Variants in MAN2A1 observed in about 807,000 individuals in gnomAD.
MAN2A1 encodes the protein alpha-mannosidase 2.
Under a neutral mutation model 142.6 loss-of-function variants are expected in MAN2A1, and 76 were observed. The ratio of observed to expected loss-of-function variants is 0.53; its 90% confidence interval spans 0.44 to 0.65. MAN2A1 has a LOEUF of 0.65. Ranked by LOEUF, MAN2A1 falls within the 30% of genes least tolerant of loss-of-function variation. MAN2A1 has a pLI of 0.00. For synonymous variants in MAN2A1, 559 were observed against 473.2 expected (o/e 1.18, Z -2.35); for missense variants, 1,311 against 1,365.1 (o/e 0.96, Z 0.62).
Position 109,813,618 on chromosome 5 carries a change from C to G in MAN2A1, c.1944-3655C>G, listed in dbSNP as rs144429278. Among the ~76,000 whole-genome samples the G allele has an allele frequency of 2.3e-3, 355 of 152,366 alleles. 1 individual carries two copies. Among genetic ancestry groups the G allele is most frequent in the Non-Finnish European group, 3.8e-3 (260 of 68,034 alleles). On this transcript the variant is annotated intron_variant, in intron 12 of 21. Transcript: ENST00000261483. Reference sequence around the variant, plus strand: ...CTGACCAAGGGGCATGTTCCTTCCACTTTGTACTGCAGCCAGTCCTAGAAG... The same window carrying G: ...CTGACCAAGGGGCATGTTCCTTCCAGTTTGTACTGCAGCCAGTCCTAGAAG...
At chr5:109,764,430 G>A (rs1213917945) in intron 5 of MAN2A1, among the ~76,000 whole-genome samples, 1 of 151,968 alleles carries the variant, frequency 6.6e-6, no homozygotes, top group African/African-American at 2.4e-5. Flanking sequence ...TAGCAAATGT[G>A]CCCTCTTTAT....
chr5:109,783,814 G>A (rs1313943503), intron 9 of MAN2A1, among the ~76,000 whole-genome samples: 1 of 151,248 alleles, frequency 6.6e-6, no homozygotes, highest in East Asian at 1.9e-4. Flanking sequence ...GGAAATTATA[G>A]CCCCCATGTT....
intron 4 of MAN2A1, among the ~76,000 whole-genome samples, chr5:109,731,000 G>A (rs772920622): frequency 2.6e-5 from 4 of 152,116 alleles, no homozygotes; most frequent in Non-Finnish European, 4.4e-5. Context: ...CTGTTTGACT[G>A]TAATTGTTGT....
intron 6 of MAN2A1, among the ~76,000 whole-genome samples, chr5:109,768,258 C>T (rs1009814349): frequency 6.6e-6 from 1 of 152,154 alleles, no homozygotes; most frequent in African/African-American, 2.4e-5. Context: ...AAGATCTAGG[C>T]CTCTTGGGAG....
At chr5:109,781,652 T>C (rs1382617127) in intron 9 of MAN2A1, 54 bp downstream of exon 9, 30 of 1,264,086 alleles carry the variant, frequency 2.4e-5, no homozygotes, top group Non-Finnish European at 3.1e-5. Flanking sequence ...ATTATCATAA[T>C]CTTTTTGTAG....
At chr5:109,830,443 C>A (rs986464685) in intron 16 of MAN2A1, among the ~76,000 whole-genome samples, 3 of 152,232 alleles carry the variant, frequency 2.0e-5, no homozygotes, top group Admixed American at 2.0e-4. Flanking sequence ...TCATCTTCTA[C>A]ACTTGGTCTT....
chr5:109,807,489 C>A (rs115065955), intron 12 of MAN2A1, among the ~76,000 whole-genome samples: 1 of 152,168 alleles, frequency 6.6e-6, no homozygotes, highest in East Asian at 1.9e-4. Context: ...TTCCTTCTGG[C>A]GGCTCTGAGG....
chr5:109,809,391 T>C (rs1452757066), intron 12 of MAN2A1, among the ~76,000 whole-genome samples: 2 of 152,138 alleles, frequency 1.3e-5, no homozygotes, highest in Non-Finnish European at 2.9e-5. Context: ...CCCTCTGATA[T>C]TATTTTCTTT....
At chr5:109,710,357 A>G (rs1249046388) in intron 1 of MAN2A1, among the ~76,000 whole-genome samples, 1 of 152,184 alleles carries the variant, frequency 6.6e-6, no homozygotes, top group Non-Finnish European at 1.5e-5. Flanking sequence ...CTTCTTATTC[A>G]GTGTGTACTT....
At chr5:109,713,403 G>A (rs1317439505) in intron 1 of MAN2A1, 117 bp from the exon 2 acceptor site, 4 of 756,762 alleles carry the variant, frequency 5.3e-6, no homozygotes, top group Non-Finnish European at 6.1e-6. Flanking sequence ...AAAGTGGAAA[G>A]TGAAGGGTGA....
In MAN2A1 at chr5:109,781,466, G is replaced by A. The variant is rs201239691; in HGVS notation, c.1445G>A (p.Gly482Asp). 1.4e-4 allele frequency: 220 copies of A among 1,613,328 alleles called. 3 individuals are homozygous for A. The East Asian group carries it at 4.7e-3, about 34-fold the overall frequency. ...GCAGATGAAACTCAGAGAGACAAGG[G>A]CCAATCGATGTTCCCTGTTTTAAGT... is the stretch of plus-strand genomic sequence containing the variant. ...DKADETQRDK[G>D]QSMFPVLSGD... Residue 482 changes from glycine to aspartate, a missense_variant, in exon 9 of 22, where the codon GGC becomes GAC. By Grantham distance (94) the Gly-to-Asp change is moderately conservative (BLOSUM62 -1). Coordinates refer to ENST00000261483, the MANE Select transcript of MAN2A1 (RefSeq NM_002372.4).
intron 10 of MAN2A1, among the ~76,000 whole-genome samples, chr5:109,788,531 A>C (rs934137954): frequency 8.6e-5 from 13 of 151,844 alleles, no homozygotes; most frequent in African/African-American, 3.1e-4. Flanking sequence ...TTGTGAGCTG[A>C]ATTATCTCAT....
intron 17 of MAN2A1, among the ~76,000 whole-genome samples, chr5:109,844,638 C>A (rs1317097695): frequency 6.6e-6 from 1 of 152,158 alleles, no homozygotes; most frequent in Admixed American, 6.5e-5. Flanking sequence ...GGGCCATATT[C>A]CCTCCAAAAG....
chr5:109,789,621 G>T (rs948979580), intron 12 of MAN2A1, 94 bp downstream of exon 12: 4 of 788,068 alleles, frequency 5.1e-6, no homozygotes, highest in African/African-American at 3.6e-5. Flanking sequence ...ATATTTTGAG[G>T]CAATCAATTT....
chr5:109,832,857 G>A (rs138243526), intron 16 of MAN2A1, among the ~76,000 whole-genome samples: 97,841 of 148,528 alleles, frequency 0.66, 32,532 homozygotes, highest in East Asian at 0.9. Flanking sequence ...GGGCGGAGGG[G>A]CTCCTCACTT....
chr5:109,754,529 T>C (rs1173741304), intron 4 of MAN2A1, among the ~76,000 whole-genome samples: 3 of 152,338 alleles, frequency 2.0e-5, no homozygotes, highest in Admixed American at 6.5e-5. Context: ...TTGTTATTTT[T>C]TAGGGTAGTT....
intron 1 of MAN2A1, among the ~76,000 whole-genome samples, chr5:109,701,753 C>T (rs1750990485): frequency 6.6e-6 from 1 of 152,084 alleles, no homozygotes; most frequent in South Asian, 2.1e-4. Flanking sequence ...AAGAGAAAGA[C>T]CAAAGCTTTT....
intron 15 of MAN2A1, among the ~76,000 whole-genome samples, 172 bp from the exon 16 acceptor site, chr5:109,823,551 A>G (rs1255585966): frequency 1.3e-5 from 2 of 152,208 alleles, no homozygotes; most frequent in Non-Finnish European, 2.9e-5. Flanking sequence ...AATAAAAAAC[A>G]CGTTCAGTTT....
rs183249661 is a variant in MAN2A1 at position 109,791,355 on chromosome 5, A to G, written c.1943+1828A>G. Among the ~76,000 whole-genome samples the G allele has an allele frequency of 1.7e-3, 256 of 152,136 alleles. 1 individual carries two copies. Among genetic ancestry groups the G allele is most frequent in the African/African-American group, 5.8e-3 (242 of 41,538 alleles). Reference sequence around the variant, plus strand: ...TTGTTAGCTGCAAATTATTTTAGTTACTGATCTGTCAGTAAAAATAGATGA... The same window carrying G: ...TTGTTAGCTGCAAATTATTTTAGTTGCTGATCTGTCAGTAAAAATAGATGA... On this transcript the variant is annotated intron_variant, in intron 12 of 21. Transcript: ENST00000261483.
Sources: allele counts gnomAD v4.1 joint callset (sites outside exome capture counted in the v4.1 genomes callset), GRCh38; gene constraint gnomAD v4.1.1; transcripts MANE v1.5; gene names NCBI Gene and HGNC (gene_info 2026-07-23, HGNC 2026-07-21).